The following VPS13B variants were observed in gnomAD, a reference collection of about 807,000 sequenced individuals.
The protein encoded by VPS13B is vacuolar protein sorting 13 homolog B, also known as intermembrane lipid transfer protein VPS13B.
A neutral mutation model predicts 426.4 loss-of-function variants in VPS13B; 285 were observed. The observed-to-expected ratio is 0.67, with a 90% CI of 0.61 to 0.74. The LOEUF (loss-of-function observed/expected upper bound fraction) is 0.74, where lower values mean the gene tolerates loss of function less well. VPS13B is among the 30% of genes least tolerant of loss of function. The probability of loss-of-function intolerance (pLI) is 0.00; values close to 1 mark genes in which losing one functional copy is unlikely to be tolerated. For missense variants in VPS13B, 4,537 were observed against 4,782.6 expected (o/e 0.95, Z 1.51); for synonymous variants, 1,676 against 1,676.4 (o/e 1.00, Z 0.01).
intron 15 of VPS13B, among the ~76,000 whole-genome samples, chr8:99,160,378 G>T (rs906101052): frequency 3.9e-5 from 6 of 152,172 alleles, no homozygotes; most frequent in African/African-American, 1.2e-4. Flanking sequence ...ATCAGTACTG[G>T]CTGGGTATCG....
At chr8:99,595,912 T>G (rs1826985567) in intron 33 of VPS13B, among the ~76,000 whole-genome samples, 1 of 151,964 alleles carries the variant, frequency 6.6e-6, no homozygotes, top group Non-Finnish European at 1.5e-5. Flanking sequence ...ATGAAAAGTT[T>G]CTCAGTATTA....
intron 17 of VPS13B, among the ~76,000 whole-genome samples, chr8:99,246,751 A>G (rs1317903624): frequency 2.6e-5 from 4 of 151,848 alleles, no homozygotes; most frequent in Non-Finnish European, 5.9e-5. Flanking sequence ...CTGTAATCCT[A>G]GCTACTCAGG....
At chr8:99,562,287 C>G (rs1824967081) in intron 31 of VPS13B, among the ~76,000 whole-genome samples, 1 of 151,766 alleles carries the variant, frequency 6.6e-6, no homozygotes, top group South Asian at 2.1e-4. Context: ...CATCCCCACC[C>G]CACGCTTTTT....
intron 16 of VPS13B, among the ~76,000 whole-genome samples, chr8:99,178,606 A>ATTTATTTTAT (rs1319937111): frequency 6.6e-6 from 1 of 151,748 alleles, no homozygotes; most frequent in Non-Finnish European, 1.5e-5. Flanking sequence ...GACATCTTTT[A>ATTTATTTTAT]TTTATTTTAT....
At chr8:99,369,541 A>G (rs1813069902) in intron 19 of VPS13B, among the ~76,000 whole-genome samples, 1 of 152,162 alleles carries the variant, frequency 6.6e-6, no homozygotes, top group Non-Finnish European at 1.5e-5. Context: ...AACTGGAATA[A>G]GAAACAATTT....
intron 19 of VPS13B, among the ~76,000 whole-genome samples, chr8:99,343,237 G>A (rs1811351373): frequency 1.3e-5 from 2 of 151,906 alleles, no homozygotes; most frequent in Middle Eastern, 3.4e-3. Context: ...GGCACTACAG[G>A]CACGCACCAC....
At chr8:99,078,065 T>G (rs1845233136) in intron 3 of VPS13B, among the ~76,000 whole-genome samples, 2 of 152,016 alleles carry the variant, frequency 1.3e-5, no homozygotes, top group South Asian at 4.2e-4. Context: ...CTTTTGAATT[T>G]CTGATTCATG....
At position 99,859,500 on chromosome 8, in the gene VPS13B, G is replaced by C. The variant is rs1444976203; in HGVS notation, c.11044+20G>C. 1.5e-5 allele frequency: 24 copies of C among 1,607,044 alleles called. No homozygotes were observed. The highest frequency in any genetic ancestry group is 2.0e-5 in the Non-Finnish European group (24 of 1,177,228). On this transcript the variant is annotated intron_variant, in intron 57 of 61. Transcript: ENST00000357162. ...CCAAAGGTAGCGGGTTCCGTTCCTT[G>C]TAATAATGCCTTCACTCCTTCCCTT...
chr8:99,741,786 G>A (rs1385877642), intron 39 of VPS13B, among the ~76,000 whole-genome samples: 3 of 152,146 alleles, frequency 2.0e-5, no homozygotes, highest in Non-Finnish European at 2.9e-5. Context: ...TGAGAACAAA[G>A]ACACAACATA....
intron 30 of VPS13B, among the ~76,000 whole-genome samples, chr8:99,546,501 A>G (rs570106359): frequency 1.3e-5 from 2 of 152,016 alleles, no homozygotes; most frequent in Non-Finnish European, 2.9e-5. Flanking sequence ...CATTTGGACT[A>G]TGCTGTTTCT....
chr8:99,813,264 T>A (rs1813824995), intron 44 of VPS13B, among the ~76,000 whole-genome samples: 1 of 152,154 alleles, frequency 6.6e-6, no homozygotes, highest in African/African-American at 2.4e-5. Flanking sequence ...TAGTTGAAAA[T>A]GAGACTATAA....
chr8:99,798,470 T>G (rs1812968230), intron 43 of VPS13B, among the ~76,000 whole-genome samples: 1 of 152,202 alleles, frequency 6.6e-6, no homozygotes, highest in Non-Finnish European at 1.5e-5. Flanking sequence ...TTTCAAAGTT[T>G]CTTTGTAAAA....
intron 30 of VPS13B, among the ~76,000 whole-genome samples, chr8:99,547,152 G>A (rs1346943489): frequency 6.6e-6 from 1 of 151,952 alleles, no homozygotes; most frequent in Admixed American, 6.6e-5. Context: ...GGAAAAGAGG[G>A]CATGTTCCTC....
At position 99,861,688 on chromosome 8, in the gene VPS13B, C is replaced by T. The variant is rs1402497380; in HGVS notation, c.11045-88C>T. 9.9e-6 allele frequency: 15 copies of T among 1,520,610 alleles called. No individual in the cohort carries two copies. In the Admixed American group the frequency reaches 1.8e-4, roughly 18 times the overall value. 94.2% of individuals were successfully genotyped at this position (1,520,610 alleles called of 1,614,324 possible). On this transcript the variant is annotated intron_variant, in intron 57 of 61. Transcript: ENST00000357162. ...CACTGGGCATGTCCAGGAGGGGCCA[C>T]AGGTGCTCCCGCTGCCTCTGAAACT...
At chr8:99,754,086 T>G (rs959264852) in intron 39 of VPS13B, among the ~76,000 whole-genome samples, 14 of 64,144 alleles carry the variant, frequency 2.2e-4, no homozygotes, top group African/African-American at 6.0e-4. Flanking sequence ...AGTATAAGGG[T>G]TTTTTTTTTT....
At chr8:99,192,611 A>G (rs1223285994) in intron 16 of VPS13B, among the ~76,000 whole-genome samples, 1 of 152,184 alleles carries the variant, frequency 6.6e-6, no homozygotes, top group African/African-American at 2.4e-5. Context: ...TGCCTTGATT[A>G]TGTAGTAATT....
rs1190769527 is a variant in VPS13B at position 99,013,875 on chromosome 8, A to G, written c.87A>G (p.Ser29=). 1 of 1,614,142 alleles carries G rather than the reference A, an allele frequency of 6.2e-7. No individual in the cohort carries two copies. The highest frequency in any genetic ancestry group is 1.1e-5 in the South Asian group (1 of 91,082). ...TAAAGCCGTCGGATCTACAGCTTTC[A>G]CTATGGGGTGGAGACGTGGTACTCA... ...KNLKPSDLQL[S]LWGGDVVLSK... The change falls in exon 2 of 62, where the codon TCA becomes TCG. Residue 29 remains serine (S), a synonymous_variant. Transcript: ENST00000357162.
At chr8:99,391,495 T>C in intron 20 of VPS13B, 62 bp from the exon 21 acceptor site, 1 of 1,612,512 alleles carries the variant, frequency 6.2e-7, no homozygotes, top group South Asian at 1.1e-5. Context: ...GTTTAACCTT[T>C]GCTGCTTAAG....
intron 16 of VPS13B, among the ~76,000 whole-genome samples, chr8:99,183,164 T>G (rs955872671): frequency 1.3e-5 from 2 of 152,242 alleles, no homozygotes; most frequent in Non-Finnish European, 2.9e-5. Context: ...TACAAAGATA[T>G]GTCACATTTA....
Sources: gnomAD v4.1 joint callset for allele counts (sites outside exome capture counted in the v4.1 genomes callset) on GRCh38, gnomAD v4.1.1 for gene constraint, MANE v1.5 for transcripts, NCBI Gene and HGNC (gene_info 2026-07-23, HGNC 2026-07-21) for gene names.